The following KDR variants were observed in gnomAD, a reference collection of about 807,000 sequenced individuals.
KDR encodes the protein vascular endothelial growth factor receptor 2.
Under a neutral mutation model 160.9 loss-of-function variants are expected in KDR, and 43 were observed. The observed-to-expected ratio is 0.27, with a 90% CI of 0.21 to 0.34. The LOEUF (loss-of-function observed/expected upper bound fraction) is 0.34. KDR is among the 10% of genes least tolerant of loss of function. The pLI is 1.00. For missense variants in KDR, 1,469 were observed against 1,666.4 expected (o/e 0.88, Z 2.06); for synonymous variants, 617 against 600.1 (o/e 1.03, Z -0.41).
intron 7 of KDR, among the ~76,000 whole-genome samples, chr4:55,111,103 A>G (rs1720571851): frequency 6.6e-6 from 1 of 152,128 alleles, no homozygotes; most frequent in South Asian, 2.1e-4. Flanking sequence ...CTCTGCTCCC[A>G]TGACAGCCTC....
At position 55,088,945 on chromosome 4, in the gene KDR, C is replaced by T. The variant is rs776671822; in HGVS notation, c.3433G>A (p.Gly1145Arg). The T allele has an allele frequency of 5.0e-5, 81 of 1,613,856 alleles. No homozygotes were observed. Among genetic ancestry groups the T allele is most frequent in the Middle Eastern group, 1.6e-4 (1 of 6,084 alleles). ...MYQTMLDCWH[G>R]EPSQRPTFSE... ...AACGTGGGTCTCTGACTGGGCTCCC[C>T]GTGCCAGCAGTCCAGCATGGTCTGG... The change falls in exon 26 of 30, where the codon GGG becomes AGG. Residue 1145 changes from glycine to arginine, a missense_variant. Physicochemically the swap from Gly to Arg is moderately radical, Grantham distance 125. Around this residue, in one of 7 missense-constraint regions of KDR, gnomAD observed 132 missense variants for 195.9 expected, o/e 0.67. Coordinates refer to ENST00000263923, the MANE Select transcript of KDR (RefSeq NM_002253.4).
intron 27 of KDR, among the ~76,000 whole-genome samples, chr4:55,084,055 T>C (rs935417360): frequency 4.6e-5 from 7 of 152,226 alleles, no homozygotes; most frequent in African/African-American, 7.2e-5. Flanking sequence ...CATCTCATGA[T>C]GTGTTCACCA....
At chr4:55,101,010 G>A (rs1308220370) in intron 15 of KDR, among the ~76,000 whole-genome samples, 2 of 152,064 alleles carry the variant, frequency 1.3e-5, no homozygotes, top group East Asian at 1.9e-4. Context: ...GCATACACAC[G>A]TATTGAGATA....
intron 21 of KDR, among the ~76,000 whole-genome samples, chr4:55,093,247 A>T (rs1720064466): frequency 6.6e-6 from 1 of 152,248 alleles, no homozygotes; most frequent in Middle Eastern, 3.2e-3. Context: ...AATACATTAA[A>T]TCTGGCCTGG....
intron 16 of KDR, among the ~76,000 whole-genome samples, 170 bp from the exon 17 acceptor site, chr4:55,098,442 C>T (rs974172469): frequency 6.6e-6 from 1 of 152,128 alleles, no homozygotes; most frequent in Non-Finnish European, 1.5e-5. Context: ...CCTTGTCCCC[C>T]AAAGGAGCTC....
chr4:55,111,902 C>T (rs1381409125), intron 7 of KDR, among the ~76,000 whole-genome samples: 2 of 152,178 alleles, frequency 1.3e-5, no homozygotes, highest in Non-Finnish European at 2.9e-5. Flanking sequence ...CTAAATCATA[C>T]TTGTTATAGT....
At chr4:55,117,309 T>A (rs1419382966) in intron 3 of KDR, among the ~76,000 whole-genome samples, 4 of 152,222 alleles carry the variant, frequency 2.6e-5, no homozygotes, top group Non-Finnish European at 5.9e-5. Flanking sequence ...ATGGGGGATG[T>A]TCATCTTGTA....
chr4:55,123,700 T>G (rs1720954185), intron 1 of KDR, among the ~76,000 whole-genome samples: 1 of 152,150 alleles, frequency 6.6e-6, no homozygotes, highest in Non-Finnish European at 1.5e-5. Context: ...CTGTAAGAGG[T>G]ACACATGCTA....
intron 18 of KDR, 62 bp downstream of exon 18, chr4:55,097,600 T>C (rs1445524799): frequency 3.7e-6 from 4 of 1,085,010 alleles, no homozygotes; most frequent in Non-Finnish European, 5.7e-6. Flanking sequence ...ATACAAGCCT[T>C]GCAACATATT....
At chr4:55,101,498 CT>C (rs1186999824) in intron 15 of KDR, among the ~76,000 whole-genome samples, 1 of 152,160 alleles carries the variant, frequency 6.6e-6, no homozygotes, top group Non-Finnish European at 1.5e-5. Flanking sequence ...CACTGACCTT[CT>C]TTTTTTCTTT....
At chr4:55,111,433 T>C (rs1202700117) in intron 7 of KDR, among the ~76,000 whole-genome samples, 3 of 152,164 alleles carry the variant, frequency 2.0e-5, no homozygotes, top group African/African-American at 7.2e-5. Context: ...TCTTTTTCTC[T>C]TATACTCCAC....
At chr4:55,086,496 G>C (rs534869887) in intron 27 of KDR, among the ~76,000 whole-genome samples, 34 of 152,154 alleles carry the variant, frequency 2.2e-4, no homozygotes, top group Non-Finnish European at 4.1e-4. Context: ...TAATAGAACT[G>C]AGCCTCATGT....
Position 55,098,687 on chromosome 4 carries a change from AT to A in KDR, c.2373+9del. On this transcript the variant is annotated intron_variant, in intron 16 of 29. Transcript: ENST00000263923. ...AATGTGCATGGGCAGAAGGGAAATT[AT>A]TTTTTTACCCGCTTAACGGTCCGTA... The A allele has an allele frequency of 6.2e-7, 1 of 1,601,726 alleles. No homozygotes were observed. The highest frequency in any genetic ancestry group is 8.6e-7 in the Non-Finnish European group (1 of 1,169,006).
chr4:55,112,375 C>G (rs1720609894), intron 7 of KDR, among the ~76,000 whole-genome samples: 2 of 152,006 alleles, frequency 1.3e-5, no homozygotes, highest in Admixed American at 6.6e-5. Context: ...ATAACATTTT[C>G]TTTTCTCTAG....
At position 55,121,141 on chromosome 4, in the gene KDR, G is replaced by T. The variant is rs1318860280; in HGVS notation, c.117C>A (p.Asp39Glu). The stretch of plus-strand genomic sequence containing the variant: ...TTGTATTAGCCTTAATTGTAAGTAT[G>T]TCTTTTTGTATGCTGAGCCTGGGCA... ...LDLPRLSIQK[D>E]ILTIKANTTL... is the part of the protein sequence containing the mutation. The change falls in exon 2 of 30, where the codon GAC (aspartate) becomes GAA (glutamate). Residue 39 changes from aspartate to glutamate, a missense_variant. Coordinates refer to ENST00000263923, the MANE Select transcript of KDR (RefSeq NM_002253.4). 6.2e-7 allele frequency: 1 copy of T among 1,613,570 alleles called. No individual in the cohort carries two copies. Among genetic ancestry groups the T allele is most frequent in the Admixed American group, 1.7e-5 (1 of 59,996 alleles).
At chr4:55,084,417 T>C (rs1290702481) in intron 27 of KDR, among the ~76,000 whole-genome samples, 1 of 152,180 alleles carries the variant, frequency 6.6e-6, no homozygotes, top group Admixed American at 6.5e-5. Context: ...TAGAATCAAC[T>C]AGGGTTGGCG....
intron 1 of KDR, among the ~76,000 whole-genome samples, chr4:55,124,327 G>A (rs1011163798): frequency 6.6e-6 from 1 of 152,108 alleles, no homozygotes; most frequent in African/African-American, 2.4e-5. Flanking sequence ...AAGGGGTTGA[G>A]AGAGAAAGGA....
At chr4:55,108,706 T>G (rs1025858680) in intron 9 of KDR, among the ~76,000 whole-genome samples, 6 of 151,678 alleles carry the variant, frequency 4.0e-5, no homozygotes, top group Admixed American at 3.9e-4. Context: ...CCTCCCTCCC[T>G]CCCTCTCCAC....
intron 1 of KDR, among the ~76,000 whole-genome samples, chr4:55,124,986 C>G (rs544859261): frequency 6.6e-6 from 1 of 152,330 alleles, no homozygotes; most frequent in East Asian, 1.9e-4. Context: ...CAGCCGAGGT[C>G]CCTGTCGCAA....
Sources: gnomAD v4.1 joint callset for allele counts (sites outside exome capture counted in the v4.1 genomes callset) on GRCh38, gnomAD v4.1.1 for gene constraint, gnomAD v4.1.1 regional missense constraint, MANE v1.5 for transcripts, NCBI Gene and HGNC (gene_info 2026-07-23, HGNC 2026-07-21) for gene names.